The following FBXL13 variants were observed in gnomAD, a reference collection of about 807,000 sequenced individuals.
FBXL13 encodes the protein F-box and leucine rich repeat protein 13.
FBXL13 carries 67 observed loss-of-function variants against 83.6 expected under a neutral mutation model. The observed-to-expected ratio is 0.80, with a 90% CI of 0.66 to 0.98. The LOEUF (loss-of-function observed/expected upper bound fraction) is 0.98, where lower values mean the gene tolerates loss of function less well. Among genes scored for constraint, FBXL13 ranks in the 50% least tolerant of loss-of-function variants. FBXL13 has a pLI of 0.00. For missense variants in FBXL13, 822 were observed against 866.5 expected (o/e 0.95, Z 0.64); for synonymous variants, 272 against 299.5 (o/e 0.91, Z 0.95).
At chr7:102,938,573 A>G (rs1390929155) in intron 8 of FBXL13, among the ~76,000 whole-genome samples, 1 of 152,196 alleles carries the variant, frequency 6.6e-6, no homozygotes, top group African/African-American at 2.4e-5. Context: ...TGAGGCATTT[A>G]CCAAGAATTT....
intron 16 of FBXL13, among the ~76,000 whole-genome samples, chr7:102,856,241 C>A (rs747854512): frequency 5.9e-5 from 9 of 152,222 alleles, no homozygotes; most frequent in Admixed American, 1.3e-4. Context: ...GGAGCCATCA[C>A]ATGTGGTCTG....
At chr7:103,028,564 G>C in intron 4 of FBXL13, 36 bp downstream of exon 5, 2 of 1,418,812 alleles carry the variant, frequency 1.4e-6, no homozygotes, top group Non-Finnish European at 1.9e-6. Flanking sequence ...TCAATAAATG[G>C]ATACAAAAAG....
chr7:102,956,488 C>T (rs1368080004), intron 8 of FBXL13, among the ~76,000 whole-genome samples: 1 of 152,148 alleles, frequency 6.6e-6, no homozygotes, highest in South Asian at 2.1e-4. Context: ...CAAGGATGTC[C>T]TCTCTCACCA....
chr7:102,902,169 A>G (rs894134914), intron 11 of FBXL13, among the ~76,000 whole-genome samples: 11 of 152,064 alleles, frequency 7.2e-5, no homozygotes, highest in African/African-American at 2.4e-4. Context: ...TTTGATTTGC[A>G]TTTCTCTGAT....
rs775023018 is a variant in FBXL13, at chr7:102,967,964, C to T, written c.591+58G>A. The T allele has an allele frequency of 4.7e-5, 62 of 1,309,318 alleles. 1 individual carries two copies. The highest frequency in any genetic ancestry group is 8.7e-5 in the Admixed American group (5 of 57,486). 81.1% of individuals were successfully genotyped at this position (1,309,318 alleles called of 1,614,324 possible). ...GTCCCCACAACAGCTGGCTTCACAG[C>T]AGTCCATTCTCCTTTAAGAACTAGT... On this transcript the variant is annotated intron_variant, in intron 7 of 19. Coordinates refer to ENST00000313221, the Ensembl canonical transcript of FBXL13.
At chr7:102,928,335 T>C (rs1818521076) in intron 9 of FBXL13, among the ~76,000 whole-genome samples, 1 of 152,220 alleles carries the variant, frequency 6.6e-6, no homozygotes, top group Non-Finnish European at 1.5e-5. Flanking sequence ...GTACCTACAT[T>C]GCAGAATGAC....
At chr7:102,922,611 C>T (rs895553733) in intron 10 of FBXL13, among the ~76,000 whole-genome samples, 2 of 152,290 alleles carry the variant, frequency 1.3e-5, no homozygotes, top group East Asian at 1.9e-4. Context: ...TCAATTCTCA[C>T]ACAATGTTTT....
intron 11 of FBXL13, among the ~76,000 whole-genome samples, chr7:102,901,727 C>CTCCA (rs1812985885): frequency 6.6e-6 from 1 of 152,184 alleles, no homozygotes; most frequent in South Asian, 2.1e-4. Context: ...ACATAATGAT[C>CTCCA]TCCAGTTCCA....
At chr7:102,953,740 T>C (rs565773815) in intron 8 of FBXL13, among the ~76,000 whole-genome samples, 3 of 152,308 alleles carry the variant, frequency 2.0e-5, no homozygotes, top group South Asian at 2.1e-4. Context: ...TTGCTATTTC[T>C]CAGAAACTCA....
intron 11 of FBXL13, among the ~76,000 whole-genome samples, chr7:102,887,981 G>A (rs552311300): frequency 7.2e-5 from 11 of 152,294 alleles, no homozygotes; most frequent in South Asian, 6.2e-4. Context: ...AAAAGATAGC[G>A]TAAGGAAGCC....
At chr7:102,878,429 C>T in exon 15 of FBXL13, 1 of 1,604,908 alleles carries the variant, frequency 6.2e-7, no homozygotes. Context: ...CAAGAAATTG[C>T]TTTAGTCCCA....
chr7:102,969,830 G>A (rs140635141), intron 6 of FBXL13, among the ~76,000 whole-genome samples: 69 of 124,696 alleles, frequency 5.5e-4, no homozygotes, highest in Non-Finnish European at 7.1e-4. Context: ...GGAGGAGAGG[G>A]GAGGGGAGGG....
intron 10 of FBXL13, among the ~76,000 whole-genome samples, chr7:102,920,207 C>T (rs1816710915): frequency 6.6e-6 from 1 of 152,094 alleles, no homozygotes; most frequent in African/African-American, 2.4e-5. Context: ...ATGCCAATAG[C>T]CACTAATTAG....
chr7:103,064,491 T>A (rs138539152), intron 1 of FBXL13, among the ~76,000 whole-genome samples: 1 of 152,306 alleles, frequency 6.6e-6, no homozygotes, highest in African/African-American at 2.4e-5. Context: ...AAGGGGGTAA[T>A]TACAGTAATT....
intron 16 of FBXL13, among the ~76,000 whole-genome samples, chr7:102,873,789 T>G (rs1808858664): frequency 6.6e-6 from 1 of 152,218 alleles, no homozygotes; most frequent in East Asian, 1.9e-4. Context: ...GTAGGTTTCT[T>G]GATATCTCAC....
intron 1 of FBXL13, among the ~76,000 whole-genome samples, chr7:103,059,259 C>T (rs1797630335): frequency 6.6e-6 from 1 of 152,066 alleles, no homozygotes; most frequent in Admixed American, 6.6e-5. Flanking sequence ...GCCTGGGTGG[C>T]AGAGAAAGAC....
chr7:102,923,310 G>A lies in FBXL13; in HGVS notation c.878+2964C>T, dbSNP rs371728639. Among the ~76,000 whole-genome samples the A allele has an allele frequency of 3.3e-5, 5 of 152,032 alleles. No homozygotes were observed. The East Asian group carries it at 7.7e-4, about 23-fold the overall frequency. On this transcript the variant is annotated intron_variant, in intron 10 of 19. Transcript: ENST00000313221. ...TCAACTGAACAATAAATCAAGCCCC[G>A]ATTTGTAGTGTTTGATGTTTTCCGT...
intron 9 of FBXL13, among the ~76,000 whole-genome samples, chr7:102,931,042 G>A (rs1326676817): frequency 1.3e-5 from 2 of 152,178 alleles, no homozygotes; most frequent in Non-Finnish European, 2.9e-5. Context: ...GGAACCTAGA[G>A]GAGCAGCAGT....
intron 18 of FBXL13, among the ~76,000 whole-genome samples, chr7:102,826,169 G>A (rs1799587712): frequency 6.6e-6 from 1 of 151,982 alleles, no homozygotes; most frequent in Non-Finnish European, 1.5e-5. Flanking sequence ...TGTTTTGATT[G>A]TGTGAGAAGT....
Sources: gnomAD v4.1 joint callset for allele counts (sites outside exome capture counted in the v4.1 genomes callset) on GRCh38, gnomAD v4.1.1 for gene constraint, MANE v1.5 for transcripts, NCBI Gene and HGNC (gene_info 2026-07-23, HGNC 2026-07-21) for gene names.